The following FN1 variants were observed in gnomAD, a reference collection of about 807,000 sequenced individuals.
The protein encoded by FN1 is fibronectin 1.
In FN1, 106 loss-of-function variants were observed where a neutral mutation model predicts 297.3. The ratio of observed to expected loss-of-function variants is 0.36; its 90% CI spans 0.30 to 0.42. The LOEUF (loss-of-function observed/expected upper bound fraction) is 0.42. Ranked by LOEUF, FN1 falls within the 10% of genes least tolerant of loss-of-function variation. The probability of loss-of-function intolerance (pLI) is 1.00; values close to 1 mark genes in which losing one functional copy is unlikely to be tolerated. For missense variants in FN1, 2,690 were observed against 3,124.9 expected (o/e 0.86, Z 3.32); for synonymous variants, 1,149 against 1,152.6 (o/e 1.00, Z 0.06).
chr2:215,412,466 T>G (rs2062794644), intron 13 of FN1, among the ~76,000 whole-genome samples: 1 of 152,162 alleles, frequency 6.6e-6, no homozygotes, highest in African/African-American at 2.4e-5. Context: ...ACACAGGGTC[T>G]TTCTCTGTCT....
intron 39 of FN1, among the ~76,000 whole-genome samples, 182 bp downstream of exon 39, chr2:215,373,140 C>G (rs148682953): frequency 2.0e-5 from 3 of 152,144 alleles, no homozygotes; most frequent in Non-Finnish European, 4.4e-5. Flanking sequence ...TAAAACCAAA[C>G]TCTGCAGTGC....
intron 7 of FN1, 60 bp downstream of exon 7, chr2:215,425,034 G>T: frequency 7.0e-7 from 1 of 1,430,288 alleles, no homozygotes; most frequent in Non-Finnish European, 9.9e-7. Flanking sequence ...AAAATGTATT[G>T]TCCTTCAAAA....
At position 215,406,400 on chromosome 2, in the gene FN1, T is replaced by C. The variant is rs763330589; in HGVS notation, c.2824A>G (p.Ile942Val). The part of the protein sequence containing the change: ...SAVTGYRVDV[I>V]PVNLPGEHGQ... ...TGCTCGCCAGGCAGGTTGACGGGGA[T>C]CACATCCACACGGTAGCCGGTCACT... The change falls in exon 19 of 46, where the codon ATC becomes GTC. Residue 942 changes from isoleucine (I) to valine (V), a missense_variant. Around this residue, in one of 3 missense-constraint regions of FN1, gnomAD observed 1,743 missense variants for 1,945.2 expected, o/e 0.90. Transcript: ENST00000354785. 2.5e-6 allele frequency: 4 copies of C among 1,614,064 alleles called. No individual in the cohort carries two copies. The highest frequency in any genetic ancestry group is 2.5e-6 in the Non-Finnish European group (3 of 1,180,048).
Position 215,375,808 on chromosome 2 carries a change from A to G in FN1, c.5888-90T>C, listed in dbSNP as rs560224407. On this transcript the variant is annotated intron_variant, in intron 36 of 45. Transcript: ENST00000354785. ...GCCTGCAATTTTTCTGGGTTCTTCT[A>G]TCATCCCATATTTATATAGACTACC... 1.8e-4 allele frequency: 141 copies of G among 803,634 alleles called. No homozygotes were observed. The African/African-American group carries it at 2.0e-3, about 11-fold the overall frequency. 49.8% of individuals were successfully genotyped at this position (803,634 alleles called of 1,614,324 possible).
At chr2:215,408,011 T>C in intron 17 of FN1, 97 bp downstream of exon 17, 1 of 890,062 alleles carries the variant, frequency 1.1e-6, no homozygotes. Flanking sequence ...TATTGGAGAT[T>C]TAAAGTGATA....
At chr2:215,425,799 T>C (rs2065231231) in intron 6 of FN1, among the ~76,000 whole-genome samples, 2 of 151,818 alleles carry the variant, frequency 1.3e-5, no homozygotes, top group Non-Finnish European at 2.9e-5. Flanking sequence ...CTCAAACTCC[T>C]GACCTCAGGG....
chr2:215,374,621 A>G (rs972630748), intron 38 of FN1, among the ~76,000 whole-genome samples: 37 of 152,224 alleles, frequency 2.4e-4, no homozygotes, highest in African/African-American at 8.9e-4. Context: ...CTGTGAGTCA[A>G]TTAAACCTCT....
chr2:215,417,296 GAT>G (rs2063570703), intron 12 of FN1, among the ~76,000 whole-genome samples: 2 of 152,038 alleles, frequency 1.3e-5, no homozygotes, highest in South Asian at 4.1e-4. Context: ...AAATAGTTGA[GAT>G]GATACCAAAA....
Position 215,367,957 on chromosome 2 carries a change from A to G in FN1, c.6924T>C (p.Val2308=), listed in dbSNP as rs1202629460. Residue 2308 remains valine, a synonymous_variant, in exon 42 of 46, where the codon GTT becomes GTC. Transcript: ENST00000354785. The part of the protein sequence containing the change: ...FDPYTVSHYA[V]GDEWERMSES... ...CAGACATTCGTTCCCACTCATCTCC[A>G]ACGGCATAATGGGAAACTGTGTAGG... is the stretch of plus-strand genomic sequence containing the variant. 17 of 1,614,032 alleles carry G rather than the reference A, an allele frequency of 1.1e-5. No individual in the cohort carries two copies. The highest frequency in any genetic ancestry group is 1.4e-5 in the Non-Finnish European group (17 of 1,179,992).
chr2:215,422,040 C>G, intron 10 of FN1, 51 bp downstream of exon 10: 2 of 1,592,754 alleles, frequency 1.3e-6, no homozygotes, highest in Non-Finnish European at 1.7e-6. Context: ...AAAAGTGTCC[C>G]TTTCTGTACC....
intron 44 of FN1, chr2:215,364,441 C>G (rs141405563): frequency 1.5e-5 from 4 of 265,184 alleles, no homozygotes; most frequent in African/African-American, 8.8e-5. Context: ...GGGAGGGTCT[C>G]AGGCTGCCCA....
intron 19 of FN1, 151 bp downstream of exon 19, chr2:215,406,087 G>A (rs2061737040): frequency 1.3e-6 from 1 of 792,590 alleles, no homozygotes; most frequent in African/African-American, 1.7e-5. Flanking sequence ...AGTTTAATGT[G>A]CTTTGTGTTC....
At position 215,368,039 on chromosome 2, in the gene FN1, AG is replaced by A. The variant is rs775335545; in HGVS notation, c.6854-13del. ...CAAGCCTTCGTTGACTATGAAGAAA[AG>A]GAAGAAAAAGCAAAAAGAGACATCT... On this transcript the variant is annotated splice_polypyrimidine_tract_variant and intron_variant, in intron 41 of 45. Coordinates refer to ENST00000354785, the MANE Select transcript of FN1 (RefSeq NM_212482.4). 6.2e-7 allele frequency: 1 copy of A among 1,614,062 alleles called. No homozygotes were observed. Among genetic ancestry groups the A allele is most frequent in the East Asian group, 2.2e-5 (1 of 44,878 alleles).
chr2:215,432,199 G>C (rs1421516484), intron 3 of FN1, among the ~76,000 whole-genome samples: 3 of 152,118 alleles, frequency 2.0e-5, no homozygotes, highest in Admixed American at 1.3e-4. Flanking sequence ...CAAGGAAGAG[G>C]TCATGAATCC....
chr2:215,384,358 G>T (rs962866559), intron 29 of FN1, 174 bp from the exon 30 acceptor site: 26 of 635,638 alleles, frequency 4.1e-5, no homozygotes, highest in Middle Eastern at 4.2e-4. Flanking sequence ...GCAAACCTTG[G>T]TAAGTGTATA....
intron 26 of FN1, among the ~76,000 whole-genome samples, chr2:215,389,599 C>T (rs2059459445): frequency 1.3e-5 from 2 of 151,802 alleles, no homozygotes; most frequent in South Asian, 4.2e-4. Flanking sequence ...ACCAGCCTGG[C>T]CAACATGGTG....
Position 215,435,889 on chromosome 2 carries a change from T to G in FN1, c.-87A>C. The G allele has an allele frequency of 6.8e-7, 1 of 1,478,076 alleles. No homozygotes were observed. The highest frequency in any genetic ancestry group is 9.0e-7 in the Non-Finnish European group (1 of 1,116,220). 91.6% of individuals were successfully genotyped at this position (1,478,076 alleles called of 1,614,324 possible). A position where few individuals can be genotyped will look rare whatever the true frequency, so the allele number is the denominator to read the frequency against. ...CTTCGCAACCTGCGGGAAAAATCCC[T>G]TCTAATGCCTCCCGGGGGTTGTCGC... On this transcript the variant is annotated 5_prime_UTR_variant, in exon 1 of 46. Transcript: ENST00000354785.
At chr2:215,391,293 T>C (rs1053306487) in intron 26 of FN1, among the ~76,000 whole-genome samples, 6 of 152,202 alleles carry the variant, frequency 3.9e-5, no homozygotes, top group African/African-American at 1.4e-4. Flanking sequence ...TCAGTTCTCA[T>C]TTTTTTCTCT....
intron 13 of FN1, among the ~76,000 whole-genome samples, chr2:215,412,908 G>A (rs1449951631): frequency 6.6e-6 from 1 of 150,942 alleles, no homozygotes; most frequent in Non-Finnish European, 1.5e-5. Flanking sequence ...ATTTTGTCTT[G>A]AAGTTGCAAC....
Sources: allele counts gnomAD v4.1 joint callset (sites outside exome capture counted in the v4.1 genomes callset), GRCh38; gene constraint gnomAD v4.1.1; regional missense constraint gnomAD v4.1.1; transcripts MANE v1.5; gene names NCBI Gene and HGNC (gene_info 2026-07-23, HGNC 2026-07-21).